MDGA2: variants seen among roughly 807,000 people sequenced by gnomAD.
MDGA2 encodes MAM domain containing glycosylphosphatidylinositol anchor 2.
In MDGA2, 40 loss-of-function variants were observed where a neutral mutation model predicts 117.8. That is an observed-to-expected ratio of 0.34 (90% CI 0.26 to 0.44). MDGA2 has a LOEUF of 0.44. MDGA2 is among the 20% of genes least tolerant of loss of function. The pLI is 1.00. For missense variants in MDGA2, 1,123 were observed against 1,250.6 expected (o/e 0.90, Z 1.54); for synonymous variants, 452 against 439.0 (o/e 1.03, Z -0.37).
intron 1 of MDGA2, among the ~76,000 whole-genome samples, chr14:47,465,143 G>C (rs1893574134): frequency 6.6e-6 from 1 of 151,552 alleles, no homozygotes; most frequent in African/African-American, 2.4e-5. Context: ...ACTGGCTGAA[G>C]CTGGACCCCA....
chr14:47,015,539 A>T (rs373237021), intron 8 of MDGA2, among the ~76,000 whole-genome samples: 1 of 152,070 alleles, frequency 6.6e-6, no homozygotes, highest in Non-Finnish European at 1.5e-5. Context: ...TGAGCTATCT[A>T]TGGCTGCAAT....
chr14:47,298,609 G>A (rs1388618067), intron 2 of MDGA2, among the ~76,000 whole-genome samples: 4 of 151,918 alleles, frequency 2.6e-5, no homozygotes, highest in Non-Finnish European at 5.9e-5. Context: ...CTTTGGCCGG[G>A]ATGCCAGGGC....
chr14:47,241,882 G>T (rs902996682), intron 2 of MDGA2, among the ~76,000 whole-genome samples: 6 of 151,830 alleles, frequency 4.0e-5, no homozygotes, highest in Non-Finnish European at 7.4e-5. Flanking sequence ...TCTTTACTAT[G>T]AAATCATTTT....
At chr14:47,176,036 A>T (rs193184566) in intron 3 of MDGA2, among the ~76,000 whole-genome samples, 5 of 152,326 alleles carry the variant, frequency 3.3e-5, no homozygotes, top group African/African-American at 1.2e-4. Context: ...ATCATGAGTG[A>T]ACTCCCATTC....
chr14:47,409,086 G>A (rs1322681125), intron 1 of MDGA2, among the ~76,000 whole-genome samples: 1 of 152,178 alleles, frequency 6.6e-6, no homozygotes, highest in East Asian at 1.9e-4. Context: ...GGGGGGACTG[G>A]ATCATGGCCC....
At chr14:46,839,905 A>C (rs1880539641), downstream of MDGA2, among the ~76,000 whole-genome samples, 1 of 151,992 alleles carries the variant, frequency 6.6e-6, no homozygotes, top group Non-Finnish European at 1.5e-5. Context: ...TCAAAGGTTT[A>C]ACTGCTTTCT....
intron 9 of MDGA2, among the ~76,000 whole-genome samples, chr14:46,928,157 T>C (rs1487962957): frequency 6.6e-6 from 1 of 152,150 alleles, no homozygotes; most frequent in Non-Finnish European, 1.5e-5. Context: ...TAAAACATTC[T>C]GTATCAAGTT....
chr14:47,006,278 C>A (rs1367317459), intron 8 of MDGA2, among the ~76,000 whole-genome samples: 2 of 150,704 alleles, frequency 1.3e-5, no homozygotes, highest in Non-Finnish European at 3.0e-5. Flanking sequence ...TTTTCAGAAT[C>A]TTGTGGTATT....
rs549529356 is a variant in MDGA2 at position 47,404,038 on chromosome 14, GTCT to G, written c.281-102491_281-102489del. Among the ~76,000 whole-genome samples, 4 of 152,024 alleles carry G rather than the reference GTCT, an allele frequency of 2.6e-5. No individual in the cohort carries two copies. The South Asian group carries it at 8.3e-4, about 32-fold the overall frequency. On this transcript the variant is annotated intron_variant, in intron 1 of 16. Transcript: ENST00000399232. ...AATTCATGTTTCCCTGTTTCTTTGG[GTCT>G]TCATTTCTGAAGGCTCCTGTGTCAC...
chr14:47,167,701 C>T (rs1022279505), intron 3 of MDGA2, among the ~76,000 whole-genome samples: 12 of 151,926 alleles, frequency 7.9e-5, no homozygotes, highest in Non-Finnish European at 1.2e-4. Flanking sequence ...AGGGAGTTAT[C>T]GGAAATATTC....
At chr14:47,292,022 A>G (rs1057220999) in intron 2 of MDGA2, among the ~76,000 whole-genome samples, 35 of 152,244 alleles carry the variant, frequency 2.3e-4, no homozygotes, top group African/African-American at 8.4e-4. Context: ...CTAGCTGCAT[A>G]CCAGCTAGTG....
chr14:47,343,547 T>C, intron 1 of MDGA2, among the ~76,000 whole-genome samples: 1 of 152,144 alleles, frequency 6.6e-6, no homozygotes, highest in Non-Finnish European at 1.5e-5. Context: ...CTTCAGTTGA[T>C]ATAGCATAAT....
Position 46,882,180 on chromosome 14 carries a change from A to G in MDGA2, c.2280T>C (p.Asn760=). The G allele has an allele frequency of 6.2e-7, 1 of 1,612,584 alleles. No individual in the cohort carries two copies. Among genetic ancestry groups the G allele is most frequent in the Non-Finnish European group, 8.5e-7 (1 of 1,179,090 alleles). ...TTAATTCTCCCTTTTGAATATTCCCATTTATTTTAATCTCCTGCTCCCACC... is the reference window on the plus strand; with the variant it reads ...TTAATTCTCCCTTTTGAATATTCCCGTTTATTTTAATCTCCTGCTCCCACC... ...QRWWEQEIKI[N]GNIQKGELIT... Residue 760 remains asparagine, a synonymous_variant, in exon 11 of 17, where the codon AAT becomes AAC. Transcript: ENST00000399232.
chr14:47,436,769 A>AGGCAGCCCAGTGGCCACG (rs1892907887), intron 1 of MDGA2, among the ~76,000 whole-genome samples: 1 of 152,152 alleles, frequency 6.6e-6, no homozygotes, highest in Non-Finnish European at 1.5e-5. Flanking sequence ...CCTGGGCCAC[A>AGGCAGCCCAGTGGCCACG]GGCAGCCCAG....
intron 5 of MDGA2, among the ~76,000 whole-genome samples, chr14:47,117,523 G>T (rs750092288): frequency 2.6e-5 from 4 of 152,112 alleles, no homozygotes; most frequent in African/African-American, 4.8e-5. Flanking sequence ...ACTGATGAAT[G>T]AATATAGAAA....
chr14:47,244,448 G>A (rs1887172386), intron 2 of MDGA2, among the ~76,000 whole-genome samples: 1 of 151,510 alleles, frequency 6.6e-6, no homozygotes, highest in African/African-American at 2.4e-5. Flanking sequence ...CCTATCTCTG[G>A]CCTTTGGTAT....
At position 46,865,458 on chromosome 14, in the gene MDGA2, A is replaced by G. The variant is rs866654756; in HGVS notation, c.2752+7975T>C. 1.3e-3 allele frequency among the ~76,000 whole-genome samples: 200 copies of G among 151,630 alleles called. 2 individuals carry two copies. The highest frequency in any genetic ancestry group is 4.5e-3 in the African/African-American group (187 of 41,360). ...CATACTGAATGGGCAAAAACTGGAA[A>G]CATTCCCTTTGAAAACTGGCACAAG... On this transcript the variant is annotated intron_variant, in intron 14 of 16. Coordinates refer to ENST00000399232, the MANE Select transcript of MDGA2 (RefSeq NM_001113498.3).
intron 5 of MDGA2, among the ~76,000 whole-genome samples, chr14:47,101,515 G>A (rs1388870524): frequency 6.6e-6 from 1 of 152,110 alleles, no homozygotes; most frequent in Non-Finnish European, 1.5e-5. Flanking sequence ...CCTATTTGAG[G>A]TCACTGAGTG....
intron 1 of MDGA2, among the ~76,000 whole-genome samples, chr14:47,367,107 A>G (rs1408828206): frequency 6.6e-6 from 1 of 152,134 alleles, no homozygotes; most frequent in African/African-American, 2.4e-5. Flanking sequence ...TGGCAGAGTA[A>G]TGCAAATATA....
Sources: gnomAD v4.1 joint callset for allele counts (sites outside exome capture counted in the v4.1 genomes callset) on GRCh38, gnomAD v4.1.1 for gene constraint, MANE v1.5 for transcripts, NCBI Gene and HGNC (gene_info 2026-07-23, HGNC 2026-07-21) for gene names.